RBFOX3: variants seen among roughly 807,000 people sequenced by gnomAD.
RBFOX3 encodes the protein RNA binding protein fox-1 homolog 3.
In RBFOX3, 17 loss-of-function variants were observed where a neutral mutation model predicts 48.7. The observed-to-expected ratio is 0.35, with a 90% CI of 0.24 to 0.52. The LOEUF is 0.52. Ranked by LOEUF, RBFOX3 falls within the 20% of genes least tolerant of loss-of-function variation. RBFOX3 has a pLI of 0.94. For synonymous variants in RBFOX3, 212 were observed against 209.5 expected, an observed-to-expected ratio of 1.01 and a Z score of -0.10; for missense variants, 382 against 497.5, an observed-to-expected ratio of 0.77 and a Z score of 2.21.
intron 1 of RBFOX3, among the ~76,000 whole-genome samples, chr17:79,572,896 T>C (rs1416924139): frequency 6.6e-6 from 1 of 150,698 alleles, no homozygotes; most frequent in Non-Finnish European, 1.5e-5. Flanking sequence ...CATGCAGGCT[T>C]GCCAAATTTG....
Position 79,514,116 on chromosome 17 carries a change from T to C in RBFOX3, c.-319-31518A>G, listed in dbSNP as rs945317547. ...GGGTGGGGACCATGTGTATCAGACT[T>C]GCCTATGACAGCCTCCTACCATCTC... On this transcript the variant is annotated intron_variant, in intron 1 of 14. Coordinates refer to ENST00000693108, the MANE Select transcript of RBFOX3 (RefSeq NM_001350451.2). Among the ~76,000 whole-genome samples, 69 of 152,186 alleles carry C rather than the reference T, an allele frequency of 4.5e-4. 1 individual carries two copies. The highest frequency in any genetic ancestry group is 6.8e-3 in the Middle Eastern group (2 of 294).
chr17:79,179,843 T>C (rs2051471330), intron 4 of RBFOX3, among the ~76,000 whole-genome samples: 1 of 152,164 alleles, frequency 6.6e-6, no homozygotes, highest in African/African-American at 2.4e-5. Flanking sequence ...TCACTGGCCA[T>C]CATGCACCAG....
chr17:79,264,257 G>A (rs944298559), intron 3 of RBFOX3, among the ~76,000 whole-genome samples: 2 of 151,892 alleles, frequency 1.3e-5, no homozygotes, highest in East Asian at 3.9e-4. Flanking sequence ...TGTATTTTTA[G>A]TAGAGACAGG....
the RBFOX3 span, among the ~76,000 whole-genome samples, chr17:79,647,060 C>CGTGTGTGTGT: frequency 1.5e-3 from 219 of 149,562 alleles, no homozygotes; most frequent in African/African-American, 5.2e-3. Context: ...TTTTCACTGC[C>CGTGTGTGTGT]GTGTGTGTGT....
intron 4 of RBFOX3, among the ~76,000 whole-genome samples, chr17:79,217,207 A>G (rs2059169825): frequency 6.6e-6 from 1 of 152,190 alleles, no homozygotes; most frequent in South Asian, 2.1e-4. Context: ...CCCCTTCACA[A>G]TGAGCACAGA....
At chr17:79,109,372 GTGACGGGCAATGCAGGGCAGC>G (rs1237526658) in intron 5 of RBFOX3, among the ~76,000 whole-genome samples, 45 of 152,228 alleles carry the variant, frequency 3.0e-4, no homozygotes, top group African/African-American at 1.1e-3. Flanking sequence ...CACGTCCCCA[GTGACGGGCAATGCAGGGCAGC>G]TGACTCTGGC....
chr17:79,508,290 G>A (rs1276456330), intron 1 of RBFOX3, among the ~76,000 whole-genome samples: 1 of 152,126 alleles, frequency 6.6e-6, no homozygotes, highest in African/African-American at 2.4e-5. Flanking sequence ...GCCTTCCGGA[G>A]GGAGGCTTAG....
At position 79,316,535 on chromosome 17, in the gene RBFOX3, C is replaced by T. The variant is rs1011884115; in HGVS notation, c.-174-8711G>A. ...TCAATGCAATGGAAGGAGCTCCAAA[C>T]GTGAGAAAGGGAAGGGAGGTCTTGA... is the stretch of plus-strand genomic sequence containing the variant. On this transcript the variant is annotated intron_variant, in intron 2 of 14. Transcript: ENST00000693108. Among the ~76,000 whole-genome samples the T allele has an allele frequency of 3.3e-5, 5 of 152,220 alleles. No homozygotes were observed. The South Asian group carries it at 6.2e-4, about 19-fold the overall frequency.
intron 2 of RBFOX3, among the ~76,000 whole-genome samples, chr17:79,455,874 G>A (rs1306830352): frequency 6.6e-6 from 1 of 152,198 alleles, no homozygotes; most frequent in Admixed American, 6.5e-5. Flanking sequence ...GGCCACCCAG[G>A]TGTCCAGTGC....
chr17:79,642,040 T>A, the RBFOX3 span, among the ~76,000 whole-genome samples: 1 of 152,142 alleles, frequency 6.6e-6, no homozygotes, highest in Non-Finnish European at 1.5e-5. Flanking sequence ...TTACCCAGTC[T>A]CAGGAATTTC....
At chr17:79,257,331 T>C (rs1216132901) in intron 3 of RBFOX3, among the ~76,000 whole-genome samples, 2 of 152,214 alleles carry the variant, frequency 1.3e-5, no homozygotes, top group African/African-American at 4.8e-5. Flanking sequence ...GTTCATGCTT[T>C]GGCAAGTGAA....
rs1418297577 is a variant in RBFOX3, at chr17:79,421,584, AG to A, written c.-175+60869del. On this transcript the variant is annotated intron_variant, in intron 2 of 14. Coordinates refer to ENST00000693108, the MANE Select transcript of RBFOX3 (RefSeq NM_001350451.2). The surrounding 1 kb of genome is among the most constrained non-coding windows in gnomAD (Gnocchi z 4.5). ...ACCCATGCTGGCATTGGGTGACAGG[AG>A]GGGGCCCCAGAAGTTGAGGACACAA... Among the ~76,000 whole-genome samples the A allele has an allele frequency of 3.9e-5, 6 of 152,112 alleles. No individual in the cohort carries two copies. The highest frequency in any genetic ancestry group is 1.4e-4 in the African/African-American group (6 of 41,412).
At chr17:79,366,175 G>T (rs1256094895) in intron 2 of RBFOX3, among the ~76,000 whole-genome samples, 2 of 152,224 alleles carry the variant, frequency 1.3e-5, no homozygotes, top group African/African-American at 4.8e-5. Context: ...CTGCATAGCT[G>T]ACGAGAAGCA....
intron 1 of RBFOX3, among the ~76,000 whole-genome samples, chr17:79,489,449 C>T (rs1376194192): frequency 6.6e-6 from 1 of 152,142 alleles, no homozygotes; most frequent in African/African-American, 2.4e-5. Context: ...TGTGCGCCAC[C>T]ATGCCTGGCT....
At chr17:79,300,344 G>C (rs1052339391) in intron 3 of RBFOX3, among the ~76,000 whole-genome samples, 1 of 152,176 alleles carries the variant, frequency 6.6e-6, no homozygotes, top group African/African-American at 2.4e-5. Flanking sequence ...ATATTGCCCT[G>C]GGAAGCACCC....
chr17:79,463,777 T>TGCCACC (rs2075923775), intron 2 of RBFOX3, among the ~76,000 whole-genome samples: 1 of 133,970 alleles, frequency 7.5e-6, no homozygotes, highest in Non-Finnish European at 1.6e-5. Context: ...CCACTGCCAC[T>TGCCACC]GCCACCTCCA....
At chr17:79,348,337 G>C (rs2083254078) in intron 2 of RBFOX3, among the ~76,000 whole-genome samples, 1 of 152,188 alleles carries the variant, frequency 6.6e-6, no homozygotes. Flanking sequence ...GCTGGGCTAA[G>C]TAAGAACAGA....
intron 2 of RBFOX3, among the ~76,000 whole-genome samples, chr17:79,385,449 C>T (rs956102083): frequency 6.6e-6 from 1 of 152,116 alleles, no homozygotes; most frequent in African/African-American, 2.4e-5. Context: ...GGACAATCAG[C>T]GAGCCCCCAA....
chr17:79,470,894 A>C (rs2076978956), intron 2 of RBFOX3, among the ~76,000 whole-genome samples: 1 of 152,122 alleles, frequency 6.6e-6, no homozygotes, highest in South Asian at 2.1e-4. Context: ...TTCCGGGGAA[A>C]ATGTATACCT....
Sources: gnomAD v4.1 joint callset for allele counts (sites outside exome capture counted in the v4.1 genomes callset) on GRCh38, gnomAD v4.1.1 for gene constraint, Gnocchi (gnomAD v3.1) non-coding constraint, MANE v1.5 for transcripts, NCBI Gene and HGNC (gene_info 2026-07-23, HGNC 2026-07-21) for gene names.